The following SLC24A2 variants were observed in gnomAD, a reference collection of about 807,000 sequenced individuals.
SLC24A2 encodes the protein sodium/potassium/calcium exchanger 2.
SLC24A2 carries 36 observed loss-of-function variants against 62.0 expected under a neutral mutation model. The observed-to-expected ratio is 0.58, with a 90% CI of 0.44 to 0.77. The LOEUF (loss-of-function observed/expected upper bound fraction) is 0.77, where lower values mean the gene tolerates loss of function less well. Ranked by LOEUF, SLC24A2 falls within the 30% of genes least tolerant of loss-of-function variation. The pLI, the probability that SLC24A2 is intolerant of heterozygous loss-of-function variation, is 0.00. For synonymous variants in SLC24A2, 358 were observed against 294.0 expected, an observed-to-expected ratio of 1.22 and a Z score of -2.23; for missense variants, 846 against 817.9, an observed-to-expected ratio of 1.03 and a Z score of -0.42.
intron 2 of SLC24A2, among the ~76,000 whole-genome samples, chr9:19,686,953 T>TA (rs889460876): frequency 2.7e-4 from 41 of 152,056 alleles, no homozygotes; most frequent in Admixed American, 2.7e-3. Context: ...CATGCAGCCA[T>TA]AAAAAAGAAT....
Position 19,619,626 on chromosome 9 carries a change from T to C in SLC24A2, c.1036A>G (p.Ile346Val), listed in dbSNP as rs1161484527. Residue 346 changes from isoleucine to valine, a missense_variant, in exon 4 of 11, where the codon ATC (isoleucine) becomes GTC (valine). Ile to Val is a conservative substitution (Grantham distance 29, BLOSUM62 3). Coordinates refer to ENST00000341998, the MANE Select transcript of SLC24A2 (RefSeq NM_020344.4). ...SLHNSLMRNS[I>V]FQLMIHTLDP... ...AGGGTGTGTATCATGAGTTGGAAGA[T>C]GCTATTCCTCATGAGACTGTTGTGG... 5 of 1,613,976 alleles carry C rather than the reference T, an allele frequency of 3.1e-6. No individual in the cohort carries two copies. In the African/African-American group the frequency reaches 6.7e-5, roughly 22 times the overall value.
At chr9:19,618,018 T>C (rs945847417) in intron 4 of SLC24A2, among the ~76,000 whole-genome samples, 1 of 152,210 alleles carries the variant, frequency 6.6e-6, no homozygotes, top group African/African-American at 2.4e-5. Context: ...TTGGTGGTGC[T>C]ATATTTTGTG....
chr9:19,964,951 C>T, the SLC24A2 span, among the ~76,000 whole-genome samples: 2 of 152,154 alleles, frequency 1.3e-5, no homozygotes, highest in African/African-American at 2.4e-5. Context: ...TGCCAGCCTA[C>T]TCCTGATTTT....
the SLC24A2 span, among the ~76,000 whole-genome samples, chr9:19,844,257 C>G: frequency 7.2e-5 from 11 of 152,204 alleles, no homozygotes; most frequent in East Asian, 5.8e-4. Context: ...ATTTGCCTTT[C>G]TCTAGTGATC....
At chr9:19,881,062 A>G in the SLC24A2 span, among the ~76,000 whole-genome samples, 1 of 152,176 alleles carries the variant, frequency 6.6e-6, no homozygotes, top group Non-Finnish European at 1.5e-5. Context: ...GTTGTGAAGG[A>G]TGATTAGTAT....
At chr9:19,678,491 T>C (rs1454667191) in intron 2 of SLC24A2, among the ~76,000 whole-genome samples, 1 of 152,234 alleles carries the variant, frequency 6.6e-6, no homozygotes, top group Non-Finnish European at 1.5e-5. Context: ...TTTAACTTAG[T>C]GGTCTAGTGT....
the SLC24A2 span, among the ~76,000 whole-genome samples, chr9:19,876,501 T>A: frequency 1.3e-5 from 2 of 152,044 alleles, no homozygotes; most frequent in Non-Finnish European, 2.9e-5. Context: ...AGCCTTCTTC[T>A]GGTTAAGTCA....
At chr9:20,154,148 T>A in the SLC24A2 span, among the ~76,000 whole-genome samples, 1 of 151,884 alleles carries the variant, frequency 6.6e-6, no homozygotes, top group East Asian at 1.9e-4. Flanking sequence ...ATAAATGAGA[T>A]ACAATAGCAA....
intron 4 of SLC24A2, among the ~76,000 whole-genome samples, chr9:19,606,179 G>C (rs1836978745): frequency 6.6e-6 from 1 of 152,118 alleles, no homozygotes; most frequent in Admixed American, 6.5e-5. Flanking sequence ...ATGACCTGCT[G>C]CATCACCTAT....
chr9:19,781,017 T>C (rs985477581), intron 2 of SLC24A2, among the ~76,000 whole-genome samples: 1 of 150,412 alleles, frequency 6.6e-6, no homozygotes, highest in African/African-American at 2.5e-5. Flanking sequence ...TACAATAACA[T>C]GATGAAAAAG....
chr9:20,124,371 T>TA, the SLC24A2 span, among the ~76,000 whole-genome samples: 21 of 151,258 alleles, frequency 1.4e-4, no homozygotes, highest in South Asian at 4.2e-4. Flanking sequence ...ACATGTTATT[T>TA]AAAAAAAAAG....
the SLC24A2 span, among the ~76,000 whole-genome samples, chr9:20,158,505 G>A: frequency 1.2e-4 from 18 of 151,706 alleles, no homozygotes; most frequent in South Asian, 1.0e-3. Context: ...GAACAGGGCC[G>A]TCATCAGACA....
At chr9:20,235,463 T>C in the SLC24A2 span, among the ~76,000 whole-genome samples, 1 of 152,196 alleles carries the variant, frequency 6.6e-6, no homozygotes, top group African/African-American at 2.4e-5. Context: ...GCTGCCACCT[T>C]GCAGTTTGAT....
At chr9:20,074,310 T>G in the SLC24A2 span, among the ~76,000 whole-genome samples, 1 of 151,952 alleles carries the variant, frequency 6.6e-6, no homozygotes, top group Non-Finnish European at 1.5e-5. Flanking sequence ...AATTAAGCAC[T>G]AATACTCTGT....
chr9:19,784,909 C>A (rs186528907), intron 2 of SLC24A2, among the ~76,000 whole-genome samples: 1 of 152,204 alleles, frequency 6.6e-6, no homozygotes, highest in African/African-American at 2.4e-5. Flanking sequence ...GCAAATTTAA[C>A]CATATTAATA....
At position 19,744,134 on chromosome 9, in the gene SLC24A2, T is replaced by C. The variant is rs138319943; in HGVS notation, c.930+41803A>G. Among the ~76,000 whole-genome samples, 193 of 152,202 alleles carry C rather than the reference T, an allele frequency of 1.3e-3. 3 individuals are homozygous for C. The highest frequency in any genetic ancestry group is 4.5e-3 in the African/African-American group (187 of 41,552). On this transcript the variant is annotated intron_variant, in intron 2 of 10. Transcript: ENST00000341998. ...ACATCAATGACACCAAACTTTCTCT[T>C]ATTTTCCCTAGGACCTATGCCCTCC...
intron 4 of SLC24A2, among the ~76,000 whole-genome samples, chr9:19,608,870 AG>A (rs1837066245): frequency 6.6e-6 from 1 of 152,150 alleles, no homozygotes; most frequent in Non-Finnish European, 1.5e-5. Flanking sequence ...CTAGAGCGTT[AG>A]TTCAGTGGGC....
the SLC24A2 span, among the ~76,000 whole-genome samples, chr9:20,162,652 C>G: frequency 1.3e-5 from 2 of 152,004 alleles, no homozygotes; most frequent in African/African-American, 4.8e-5. Flanking sequence ...CATCCTGATA[C>G]CAAAGCTGGG....
chr9:19,963,439 A>C, the SLC24A2 span, among the ~76,000 whole-genome samples: 1 of 150,154 alleles, frequency 6.7e-6, no homozygotes, highest in Non-Finnish European at 1.5e-5. Flanking sequence ...GCAACCTACA[A>C]AATGGGAGAA....
Sources: gnomAD v4.1 joint callset for allele counts (sites outside exome capture counted in the v4.1 genomes callset) on GRCh38, gnomAD v4.1.1 for gene constraint, MANE v1.5 for transcripts, NCBI Gene and HGNC (gene_info 2026-07-23, HGNC 2026-07-21) for gene names.